The following GNA14 variants were observed in gnomAD, a reference collection of about 807,000 sequenced individuals.
GNA14 encodes the protein G protein subunit alpha 14.
Under a neutral mutation model 42.0 loss-of-function variants are expected in GNA14, and 50 were observed. The observed-to-expected ratio is 1.19, with a 90% confidence interval of 0.95 to 1.51. The LOEUF (loss-of-function observed/expected upper bound fraction) is 1.51, where lower values mean the gene tolerates loss of function less well. Among genes scored for constraint, GNA14 ranks in the 40% most tolerant of loss-of-function variants. The pLI is 0.00. For missense variants in GNA14, 473 were observed against 446.2 expected (o/e 1.06, Z -0.54); for synonymous variants, 173 against 163.1 (o/e 1.06, Z -0.46).
chr9:77,629,730 G>C (rs996314270), intron 1 of GNA14, among the ~76,000 whole-genome samples: 2 of 152,154 alleles, frequency 1.3e-5, no homozygotes, highest in Non-Finnish European at 2.9e-5. Flanking sequence ...GTTCTGTCAG[G>C]GGGTAGGGAG....
At chr9:77,507,584 T>C (rs543768833) in intron 2 of GNA14, among the ~76,000 whole-genome samples, 7 of 152,190 alleles carry the variant, frequency 4.6e-5, no homozygotes, top group Non-Finnish European at 8.8e-5. Flanking sequence ...TCTGTTTTCA[T>C]TGAGTCTAAC....
At chr9:77,453,443 CA>C (rs1835949076) in intron 2 of GNA14, among the ~76,000 whole-genome samples, 1 of 152,206 alleles carries the variant, frequency 6.6e-6, no homozygotes, top group South Asian at 2.1e-4. Context: ...TGGTGGTTCG[CA>C]CATCAATATT....
chr9:77,552,424 C>T (rs1047403227), intron 1 of GNA14, among the ~76,000 whole-genome samples: 2 of 152,156 alleles, frequency 1.3e-5, no homozygotes, highest in Non-Finnish European at 2.9e-5. Flanking sequence ...AATGGATTTG[C>T]TGATGAGCTT....
At chr9:77,603,265 C>G (rs1823595809) in intron 1 of GNA14, among the ~76,000 whole-genome samples, 1 of 152,194 alleles carries the variant, frequency 6.6e-6, no homozygotes, top group Admixed American at 6.5e-5. Context: ...AATGTTTGGT[C>G]TGATGGCTGT....
chr9:77,637,637 G>A (rs992384475), intron 1 of GNA14, among the ~76,000 whole-genome samples: 5 of 152,124 alleles, frequency 3.3e-5, no homozygotes, highest in African/African-American at 7.2e-5. Context: ...TAGGAGGATC[G>A]CTTGAGGCCA....
At chr9:77,641,174 A>G (rs189819575) in intron 1 of GNA14, among the ~76,000 whole-genome samples, 1,910 of 129,336 alleles carry the variant, frequency 0.015, 218 homozygotes, top group East Asian at 0.09. Flanking sequence ...GGAAGGAAGG[A>G]AGGGCAAAGG....
At chr9:77,537,599 A>C (rs1419613542) in intron 1 of GNA14, among the ~76,000 whole-genome samples, 1 of 152,206 alleles carries the variant, frequency 6.6e-6, no homozygotes, top group Admixed American at 6.5e-5. Flanking sequence ...ATTAATACCT[A>C]GTAGTAGATT....
At chr9:77,556,602 A>G (rs1822784637) in intron 1 of GNA14, among the ~76,000 whole-genome samples, 1 of 152,120 alleles carries the variant, frequency 6.6e-6, no homozygotes, top group Non-Finnish European at 1.5e-5. Context: ...TCTTCCTCAC[A>G]GCCCAGGCCA....
chr9:77,426,943 C>A (rs528580168), intron 5 of GNA14, among the ~76,000 whole-genome samples: 4 of 152,106 alleles, frequency 2.6e-5, no homozygotes, highest in Admixed American at 1.3e-4. Context: ...TTCCAGACAC[C>A]CAGGTTTGTT....
intron 2 of GNA14, among the ~76,000 whole-genome samples, chr9:77,451,074 T>C (rs1835893762): frequency 6.6e-6 from 1 of 152,176 alleles, no homozygotes; most frequent in African/African-American, 2.4e-5. Context: ...AACAGACTAA[T>C]ACGGCATCTG....
intron 1 of GNA14, among the ~76,000 whole-genome samples, chr9:77,585,390 G>A (rs990482939): frequency 2.0e-5 from 3 of 152,014 alleles, no homozygotes; most frequent in African/African-American, 7.3e-5. Flanking sequence ...CATTTGTAAG[G>A]GTGTCTCCCT....
intron 2 of GNA14, among the ~76,000 whole-genome samples, chr9:77,463,109 A>T (rs1836144447): frequency 6.6e-6 from 1 of 152,206 alleles, no homozygotes; most frequent in African/African-American, 2.4e-5. Flanking sequence ...GCGAATGCGA[A>T]GGGCACCATT....
chr9:77,571,148 A>C (rs182751205), intron 1 of GNA14, among the ~76,000 whole-genome samples: 139 of 152,252 alleles, frequency 9.1e-4, no homozygotes, highest in Non-Finnish European at 1.5e-3. Context: ...GTCAAAATCC[A>C]ATTTTCCTCC....
At chr9:77,438,222 ACTT>A (rs1464343600) in intron 2 of GNA14, among the ~76,000 whole-genome samples, 1 of 152,020 alleles carries the variant, frequency 6.6e-6, no homozygotes, top group Non-Finnish European at 1.5e-5. Context: ...GACCAGAAGT[ACTT>A]CAAGTTCGGA....
intron 1 of GNA14, among the ~76,000 whole-genome samples, chr9:77,605,788 T>C (rs1823636940): frequency 6.6e-6 from 1 of 152,220 alleles, no homozygotes; most frequent in Admixed American, 6.5e-5. Context: ...GAATCTTTTC[T>C]AGTTAGCAAG....
chr9:77,537,794 C>T (rs1837615029), intron 1 of GNA14, among the ~76,000 whole-genome samples: 1 of 152,142 alleles, frequency 6.6e-6, no homozygotes, highest in Admixed American at 6.5e-5. Context: ...TAGTATCTCA[C>T]TATGGTTTTG....
At chr9:77,573,120 T>A (rs1397442011) in intron 1 of GNA14, among the ~76,000 whole-genome samples, 1 of 152,126 alleles carries the variant, frequency 6.6e-6, no homozygotes, top group East Asian at 1.9e-4. Flanking sequence ...ATCAAAGATG[T>A]TGGGTTGCAG....
At chr9:77,541,726 T>G (rs1324016307) in intron 1 of GNA14, among the ~76,000 whole-genome samples, 3 of 151,136 alleles carry the variant, frequency 2.0e-5, no homozygotes, top group African/African-American at 4.9e-5. Flanking sequence ...GGCTTTGCAC[T>G]TTCTTTTTTC....
intron 1 of GNA14, among the ~76,000 whole-genome samples, chr9:77,631,622 G>GTA (rs1002737631): frequency 5.2e-4 from 79 of 152,268 alleles, no homozygotes; most frequent in African/African-American, 1.8e-3. Context: ...AGTATCTAGT[G>GTA]AAGTTTTCAT....
Sources: allele counts gnomAD v4.1 joint callset (sites outside exome capture counted in the v4.1 genomes callset), GRCh38; gene constraint gnomAD v4.1.1; transcripts MANE v1.5; gene names NCBI Gene and HGNC (gene_info 2026-07-23, HGNC 2026-07-21).